The following UBE3D variants were observed in gnomAD, a reference collection of about 807,000 sequenced individuals.
UBE3D encodes the protein ubiquitin protein ligase E3D, also known as E3 ubiquitin-protein ligase E3D.
Under a neutral mutation model 49.6 loss-of-function variants are expected in UBE3D, and 48 were observed. The ratio of observed to expected loss-of-function variants is 0.97; its 90% CI spans 0.77 to 1.23. The LOEUF is 1.23. Among genes scored for constraint, UBE3D ranks in the 50% most tolerant of loss-of-function variants. The pLI is 0.00. For missense variants in UBE3D, 452 were observed against 468.4 expected (o/e 0.96, Z 0.32); for synonymous variants, 189 against 174.2 (o/e 1.08, Z -0.67).
chr6:82,930,917 A>T (rs1343826847), intron 9 of UBE3D, among the ~76,000 whole-genome samples: 2 of 152,222 alleles, frequency 1.3e-5, no homozygotes, highest in African/African-American at 4.8e-5. Flanking sequence ...GACAATGGGG[A>T]AAATTTCTCT....
rs149405890 is a variant in UBE3D, at chr6:83,030,756, T to C, written c.668-6718A>G. Among the ~76,000 whole-genome samples, 32 of 152,162 alleles carry C rather than the reference T, an allele frequency of 2.1e-4. No homozygotes were observed. In the East Asian group the frequency reaches 6.2e-3, roughly 29 times the overall value. Reference sequence around the variant, plus strand: ...CTAGAGACTTGGAGGGCTCAGAAGATAGGAAATGGGGGAAAGTTTGAACCT... The same window carrying C: ...CTAGAGACTTGGAGGGCTCAGAAGACAGGAAATGGGGGAAAGTTTGAACCT... On this transcript the variant is annotated intron_variant, in intron 5 of 9. Transcript: ENST00000369747.
intron 4 of UBE3D, 72 bp downstream of exon 4, chr6:83,044,356 T>C: frequency 6.9e-7 from 1 of 1,439,470 alleles, no homozygotes; most frequent in Non-Finnish European, 9.6e-7. Context: ...AGCCCTTAAT[T>C]AGGAAAAGAT....
intron 8 of UBE3D, among the ~76,000 whole-genome samples, chr6:83,004,674 T>A (rs1779853208): frequency 6.6e-6 from 1 of 152,230 alleles, no homozygotes. Context: ...TCTAGCATCA[T>A]ATTCACACAC....
At chr6:82,955,870 T>C (rs1776122511) in intron 9 of UBE3D, among the ~76,000 whole-genome samples, 1 of 152,172 alleles carries the variant, frequency 6.6e-6, no homozygotes, top group Non-Finnish European at 1.5e-5. Flanking sequence ...CAATTTCCTC[T>C]CCTACAAAAT....
At chr6:82,887,414 A>T (rs867595974), downstream of UBE3D, among the ~76,000 whole-genome samples, 28 of 63,194 alleles carry the variant, frequency 4.4e-4, 1 homozygote, top group South Asian at 8.5e-3. Flanking sequence ...TTTTTTTTTC[A>T]GAAAGAATAG....
chr6:82,890,055 T>C (rs1770952938), downstream of UBE3D, among the ~76,000 whole-genome samples: 1 of 152,080 alleles, frequency 6.6e-6, no homozygotes, highest in Admixed American at 6.6e-5. Flanking sequence ...GTGGTATCCT[T>C]ATCTAAGAAT....
chr6:83,044,769 T>C (rs887914958), intron 3 of UBE3D, 110 bp from the exon 4 acceptor site: 6 of 860,280 alleles, frequency 7.0e-6, no homozygotes, highest in Non-Finnish European at 1.1e-5. Flanking sequence ...AGGTTTGCAA[T>C]GCTAATTTTT....
intron 3 of UBE3D, among the ~76,000 whole-genome samples, chr6:83,047,044 C>T (rs949785788): frequency 6.6e-6 from 1 of 152,206 alleles, no homozygotes; most frequent in Admixed American, 6.5e-5. Flanking sequence ...TAACGTATAT[C>T]ATGAGCTCTT....
chr6:82,926,823 T>C (rs1431505473), intron 9 of UBE3D, among the ~76,000 whole-genome samples: 1 of 152,100 alleles, frequency 6.6e-6, no homozygotes, highest in Non-Finnish European at 1.5e-5. Flanking sequence ...TTATTCTCTA[T>C]AGTGTCTTTT....
intron 8 of UBE3D, among the ~76,000 whole-genome samples, chr6:82,991,221 C>T (rs1363562898): frequency 6.6e-6 from 1 of 152,284 alleles, no homozygotes; most frequent in African/African-American, 2.4e-5. Flanking sequence ...AATCTTTGTT[C>T]TATCCCTGAG....
intron 8 of UBE3D, among the ~76,000 whole-genome samples, chr6:82,994,022 A>C (rs1286064484): frequency 6.6e-6 from 1 of 152,222 alleles, no homozygotes; most frequent in Non-Finnish European, 1.5e-5. Context: ...AATTGCTAAA[A>C]GGAGAAAAAT....
At position 82,919,732 on chromosome 6, in the gene UBE3D, G is replaced by A. The variant is rs541751546; in HGVS notation, c.1150-26690C>T. 2.0e-5 allele frequency among the ~76,000 whole-genome samples: 3 copies of A among 152,314 alleles called. No individual in the cohort carries two copies. The South Asian group carries it at 6.2e-4, about 32-fold the overall frequency. ...AAGGTTCAATTACTAGCATGGCATA[G>A]AGGAAGTAAAATCACCACGGAGACT... On this transcript the variant is annotated intron_variant, in intron 9 of 9. Transcript: ENST00000369747.
At chr6:83,028,460 C>T (rs1329413746) in intron 5 of UBE3D, among the ~76,000 whole-genome samples, 1 of 152,128 alleles carries the variant, frequency 6.6e-6, no homozygotes, top group Non-Finnish European at 1.5e-5. Flanking sequence ...AAGGATTGAT[C>T]TCTGTCTACA....
At chr6:82,984,380 G>C (rs1156831011) in intron 8 of UBE3D, among the ~76,000 whole-genome samples, 3 of 152,124 alleles carry the variant, frequency 2.0e-5, no homozygotes, top group Admixed American at 2.0e-4. Context: ...TCGTATGCAT[G>C]TGTCCTTTAA....
chr6:83,013,352 G>A (rs977416387), intron 8 of UBE3D, among the ~76,000 whole-genome samples: 2 of 152,108 alleles, frequency 1.3e-5, no homozygotes, highest in Non-Finnish European at 2.9e-5. Context: ...TGATGCCTCC[G>A]CTAACAGCAG....
At chr6:82,921,107 C>A (rs1347279124) in intron 9 of UBE3D, among the ~76,000 whole-genome samples, 3 of 152,052 alleles carry the variant, frequency 2.0e-5, no homozygotes, top group Non-Finnish European at 4.4e-5. Flanking sequence ...AGGTGCCCAC[C>A]ACCATGCCCA....
intron 3 of UBE3D, among the ~76,000 whole-genome samples, chr6:83,053,947 G>A (rs1783641487): frequency 6.6e-6 from 1 of 152,094 alleles, no homozygotes; most frequent in African/African-American, 2.4e-5. Context: ...GCATCCTAGT[G>A]CTCCCCTTTA....
chr6:83,059,398 A>T (rs1284151036), intron 1 of UBE3D, among the ~76,000 whole-genome samples: 1 of 152,170 alleles, frequency 6.6e-6, no homozygotes, highest in Non-Finnish European at 1.5e-5. Context: ...AAAAAAAGAT[A>T]CAGAAGAAAA....
intron 8 of UBE3D, among the ~76,000 whole-genome samples, chr6:82,977,117 A>C (rs1777783491): frequency 6.9e-6 from 1 of 145,504 alleles, no homozygotes; most frequent in Non-Finnish European, 1.5e-5. Flanking sequence ...CCATCTCAAA[A>C]AAAAAAAAAA....
Sources: gnomAD v4.1 joint callset for allele counts (sites outside exome capture counted in the v4.1 genomes callset) on GRCh38, gnomAD v4.1.1 for gene constraint, MANE v1.5 for transcripts, NCBI Gene and HGNC (gene_info 2026-07-23, HGNC 2026-07-21) for gene names.